ME3: variants seen among roughly 807,000 people sequenced by gnomAD.
The protein encoded by ME3 is NADP-dependent malic enzyme, mitochondrial.
Under a neutral mutation model 68.9 loss-of-function variants are expected in ME3, and 48 were observed. The observed-to-expected ratio is 0.70, with a 90% CI of 0.55 to 0.89. ME3 has a LOEUF of 0.89. Ranked by LOEUF, ME3 falls within the 40% of genes least tolerant of loss-of-function variation. The pLI, the probability that ME3 is intolerant of heterozygous loss-of-function variation, is 0.00. For missense variants in ME3, 675 were observed against 797.4 expected (o/e 0.85, Z 1.85); for synonymous variants, 320 against 318.8 (o/e 1.00, Z -0.04).
At chr11:86,535,947 C>T (rs1004989829) in intron 4 of ME3, among the ~76,000 whole-genome samples, 2 of 152,144 alleles carry the variant, frequency 1.3e-5, no homozygotes, top group Non-Finnish European at 2.9e-5. Flanking sequence ...GTGCTAGCTG[C>T]TGGGTATAAA....
chr11:86,522,122 C>T (rs1345772556), intron 4 of ME3, among the ~76,000 whole-genome samples: 1 of 152,100 alleles, frequency 6.6e-6, no homozygotes, highest in Non-Finnish European at 1.5e-5. Context: ...TGGTGGCACG[C>T]ACCTGTAGTC....
downstream of ME3, among the ~76,000 whole-genome samples, chr11:86,440,725 A>G (rs1425103300): frequency 6.6e-6 from 1 of 152,126 alleles, no homozygotes; most frequent in African/African-American, 2.4e-5. Flanking sequence ...AAACTCCCTG[A>G]TGGGTGGGCT....
At chr11:86,526,484 C>T (rs1954756108) in intron 4 of ME3, among the ~76,000 whole-genome samples, 1 of 152,228 alleles carries the variant, frequency 6.6e-6, no homozygotes, top group Non-Finnish European at 1.5e-5. Context: ...CCTCTGCAGA[C>T]TTAAATGTCT....
intron 4 of ME3, among the ~76,000 whole-genome samples, chr11:86,553,239 T>G (rs905360243): frequency 2.0e-5 from 3 of 152,220 alleles, no homozygotes; most frequent in African/African-American, 7.2e-5. Context: ...AATGAGGTGA[T>G]GCAGAGCCCC....
intron 2 of ME3, among the ~76,000 whole-genome samples, chr11:86,563,708 C>T (rs1304734570): frequency 6.6e-6 from 1 of 152,066 alleles, no homozygotes; most frequent in Non-Finnish European, 1.5e-5. Context: ...AATAGAGATC[C>T]CTTTCCCCAT....
At chr11:86,455,003 A>C (rs894473258) in intron 8 of ME3, among the ~76,000 whole-genome samples, 3 of 152,248 alleles carry the variant, frequency 2.0e-5, no homozygotes, top group African/African-American at 4.8e-5. Context: ...TGTGGACATC[A>C]GAAGGCGGGA....
chr11:86,651,217 G>A (rs1945396936), intron 2 of ME3, among the ~76,000 whole-genome samples: 1 of 152,188 alleles, frequency 6.6e-6, no homozygotes, highest in South Asian at 2.1e-4. Context: ...AGACTTAAAT[G>A]TCCCTGTCTG....
intron 4 of ME3, among the ~76,000 whole-genome samples, chr11:86,535,299 A>G (rs1053039395): frequency 1.3e-5 from 2 of 152,190 alleles, no homozygotes; most frequent in African/African-American, 4.8e-5. Context: ...CCATGCCAAC[A>G]TCACATCTAT....
intron 12 of ME3, 135 bp from the exon 13 acceptor site, chr11:86,446,622 C>T (rs1949315706): frequency 1.2e-6 from 1 of 841,558 alleles, no homozygotes; most frequent in Non-Finnish European, 1.8e-6. Context: ...GAGAACATGG[C>T]AGGTATTTAA....
intron 2 of ME3, among the ~76,000 whole-genome samples, chr11:86,646,609 C>T (rs992033064): frequency 3.3e-5 from 5 of 152,174 alleles, no homozygotes; most frequent in Admixed American, 6.5e-5. Flanking sequence ...GAGAATGGAA[C>T]CAAGTTGGGA....
At chr11:86,560,553 T>C (rs1457462204) in intron 2 of ME3, among the ~76,000 whole-genome samples, 2 of 151,930 alleles carry the variant, frequency 1.3e-5, no homozygotes, top group Non-Finnish European at 2.9e-5. Flanking sequence ...AGTGTCCCGA[T>C]TATTAACATT....
intron 4 of ME3, among the ~76,000 whole-genome samples, chr11:86,521,869 C>T (rs901376508): frequency 2.6e-5 from 4 of 152,172 alleles, no homozygotes; most frequent in African/African-American, 7.2e-5. Flanking sequence ...CTGGTAATAA[C>T]ACAAAGCCTC....
chr11:86,553,892 G>A (rs1956808812), intron 4 of ME3, among the ~76,000 whole-genome samples: 1 of 152,222 alleles, frequency 6.6e-6, no homozygotes, highest in South Asian at 2.1e-4. Context: ...AAGAGGCAGT[G>A]TAGTGTGGTG....
chr11:86,545,650 C>T (rs1594385072), intron 4 of ME3, among the ~76,000 whole-genome samples: 1 of 152,158 alleles, frequency 6.6e-6, no homozygotes, highest in Admixed American at 6.5e-5. Context: ...AACCACTGCT[C>T]AAGGAAATAA....
chr11:86,588,311 TA>T (rs1958855940), intron 2 of ME3, among the ~76,000 whole-genome samples: 1 of 152,294 alleles, frequency 6.6e-6, no homozygotes, highest in South Asian at 2.1e-4. Flanking sequence ...TCAGTCAAAG[TA>T]ATACAACAAG....
At chr11:86,485,188 C>T (rs1159058196) in intron 7 of ME3, among the ~76,000 whole-genome samples, 1 of 152,156 alleles carries the variant, frequency 6.6e-6, no homozygotes. Flanking sequence ...CAAACAAGTC[C>T]AATTCTCTTC....
chr11:86,511,028 A>C (rs560286989), intron 4 of ME3, among the ~76,000 whole-genome samples: 2 of 152,280 alleles, frequency 1.3e-5, no homozygotes, highest in South Asian at 4.1e-4. Flanking sequence ...CCCTTCTTTT[A>C]TACAACCCGT....
intron 2 of ME3, among the ~76,000 whole-genome samples, chr11:86,577,589 A>G (rs1958187484): frequency 6.6e-6 from 1 of 152,238 alleles, no homozygotes; most frequent in Admixed American, 6.5e-5. Context: ...CAGCATATTA[A>G]CCAAAATGAA....
rs11234733 is a variant in ME3 at position 86,658,747 on chromosome 11, A to G, written c.183+13015T>C. ...CAGCTGCCCCACTGGCACCCATGCC[A>G]TCATCTCCCACAAGCATGGCTAGGC... On this transcript the variant is annotated intron_variant, in intron 2 of 14. Coordinates refer to ENST00000543262, the Ensembl canonical transcript of ME3. Among the ~76,000 whole-genome samples, 1,353 of 152,190 alleles carry G rather than the reference A, an allele frequency of 8.9e-3. 22 individuals are homozygous for G. The highest frequency in any genetic ancestry group is 0.031 in the African/African-American group (1,271 of 41,522).
Sources: gnomAD v4.1 joint callset for allele counts (sites outside exome capture counted in the v4.1 genomes callset) on GRCh38, gnomAD v4.1.1 for gene constraint, MANE v1.5 for transcripts, NCBI Gene and HGNC (gene_info 2026-07-23, HGNC 2026-07-21) for gene names.